The following NCALD variants were observed in gnomAD, a reference collection of about 807,000 sequenced individuals.
The protein encoded by NCALD is neurocalcin-delta.
NCALD carries 10 observed loss-of-function variants against 18.6 expected under a neutral mutation model. The observed-to-expected ratio is 0.54, with a 90% CI of 0.33 to 0.91. The LOEUF is 0.91. Among genes scored for constraint, NCALD ranks in the 40% least tolerant of loss-of-function variants. NCALD has a pLI of 0.03. For missense variants in NCALD, 184 were observed against 247.6 expected (o/e 0.74, Z 1.72); for synonymous variants, 88 against 87.4 (o/e 1.01, Z -0.04).
At chr8:101,766,915 C>T (rs890490115) in intron 1 of NCALD, among the ~76,000 whole-genome samples, 1 of 152,214 alleles carries the variant, frequency 6.6e-6, no homozygotes, top group African/African-American at 2.4e-5. Flanking sequence ...TGTATACATA[C>T]ACATAATATA....
intron 1 of NCALD, among the ~76,000 whole-genome samples, chr8:101,735,862 T>C (rs1809886290): frequency 6.6e-6 from 1 of 152,222 alleles, no homozygotes. Context: ...TGAGGCTCCT[T>C]CTTCTTCCTT....
chr8:101,939,684 T>C (rs1056045020), intron 2 of NCALD, among the ~76,000 whole-genome samples: 1 of 152,254 alleles, frequency 6.6e-6, no homozygotes, highest in Non-Finnish European at 1.5e-5. Flanking sequence ...TGAAACTTTA[T>C]AATAATTGAA....
intron 2 of NCALD, among the ~76,000 whole-genome samples, chr8:102,005,915 G>T (rs761519380): frequency 5.9e-5 from 9 of 151,592 alleles, no homozygotes; most frequent in Non-Finnish European, 7.4e-5. Flanking sequence ...AGCATTAGGA[G>T]ATATACCTAA....
At chr8:102,122,751 T>C (rs1038592769) in intron 1 of NCALD, among the ~76,000 whole-genome samples, 1 of 152,226 alleles carries the variant, frequency 6.6e-6, no homozygotes, top group African/African-American at 2.4e-5. Flanking sequence ...CCAGGAGCTA[T>C]TGACGAATGA....
chr8:101,897,719 T>A (rs1276335286), intron 3 of NCALD, among the ~76,000 whole-genome samples: 1 of 152,292 alleles, frequency 6.6e-6, no homozygotes, highest in African/African-American at 2.4e-5. Context: ...TAAATGTATG[T>A]TTAGTTTTAA....
At chr8:101,848,363 CAA>C (rs1444706591) in intron 4 of NCALD, among the ~76,000 whole-genome samples, 1 of 151,974 alleles carries the variant, frequency 6.6e-6, no homozygotes, top group African/African-American at 2.4e-5. Flanking sequence ...AATGAGGAAA[CAA>C]GAGAAAACTT....
chr8:102,001,476 C>A (rs960197340), intron 2 of NCALD, among the ~76,000 whole-genome samples: 45 of 152,318 alleles, frequency 3.0e-4, no homozygotes, highest in Non-Finnish European at 5.3e-4. Context: ...AGGAGAACTT[C>A]CCCAATCTGG....
intron 1 of NCALD, among the ~76,000 whole-genome samples, chr8:101,777,825 C>A (rs910900877): frequency 6.6e-6 from 1 of 152,108 alleles, no homozygotes; most frequent in South Asian, 2.1e-4. Flanking sequence ...AAGTTACCAT[C>A]AGCAGACAGA....
rs141920417 is a variant in NCALD at position 101,775,368 on chromosome 8, C to T, written c.-20+15494G>A. 1.5e-3 allele frequency among the ~76,000 whole-genome samples: 231 copies of T among 152,230 alleles called. 3 individuals are homozygous for T. The highest frequency in any genetic ancestry group is 5.2e-3 in the African/African-American group (218 of 41,540). On this transcript the variant is annotated intron_variant, in intron 1 of 3. Coordinates refer to ENST00000220931, the MANE Select transcript of NCALD (RefSeq NM_032041.3). ...GGTGCTTGGCAATCTGTCCACAGCTCGAGATACCTATAGAGATTAGGAGGT... is the reference window on the plus strand; with the variant it reads ...GGTGCTTGGCAATCTGTCCACAGCTTGAGATACCTATAGAGATTAGGAGGT...
At chr8:102,009,081 TC>T (rs1171046624) in intron 2 of NCALD, among the ~76,000 whole-genome samples, 1 of 152,220 alleles carries the variant, frequency 6.6e-6, no homozygotes, top group Non-Finnish European at 1.5e-5. Flanking sequence ...TCTCTCTGCC[TC>T]ACGGCATTGT....
chr8:102,011,969 G>A (rs1022381759), intron 2 of NCALD, among the ~76,000 whole-genome samples: 5 of 152,128 alleles, frequency 3.3e-5, no homozygotes, highest in African/African-American at 1.2e-4. Flanking sequence ...TCGTCAGAAA[G>A]GCAAATATCA....
chr8:101,985,356 C>T (rs1271107152), intron 2 of NCALD, among the ~76,000 whole-genome samples: 2 of 152,172 alleles, frequency 1.3e-5, no homozygotes, highest in Non-Finnish European at 2.9e-5. Flanking sequence ...CCTGGACCAG[C>T]TCAGATTAGA....
intron 1 of NCALD, among the ~76,000 whole-genome samples, chr8:102,045,646 T>A (rs1339330182): frequency 6.6e-6 from 1 of 152,156 alleles, no homozygotes; most frequent in Admixed American, 6.5e-5. Flanking sequence ...ACATTTTTTT[T>A]AACACAATCC....
chr8:101,801,096 GA>G lies in NCALD; in HGVS notation c.-19-81449del, dbSNP rs1177113659. ...AGGGAAAGAAAGAGGAAGGAAGGAG[GA>G]AAAAGAAAGAGAAAGAAACAAAGAA... On this transcript the variant is annotated intron_variant, in intron 4 of 6. Coordinates refer to the NCALD transcript ENST00000311028. Among the ~76,000 whole-genome samples, 866 of 147,582 alleles carry G rather than the reference GA, an allele frequency of 5.9e-3. 10 individuals carry two copies. The highest frequency in any genetic ancestry group is 0.019 in the African/African-American group (761 of 40,026).
intron 1 of NCALD, among the ~76,000 whole-genome samples, chr8:101,780,954 T>C (rs552703294): frequency 6.6e-6 from 1 of 152,280 alleles, no homozygotes; most frequent in Non-Finnish European, 1.5e-5. Flanking sequence ...AACAGTATAG[T>C]CCTTGGCTAT....
chr8:102,100,386 A>G (rs1825237113), intron 1 of NCALD, among the ~76,000 whole-genome samples: 1 of 152,228 alleles, frequency 6.6e-6, no homozygotes, highest in African/African-American at 2.4e-5. Flanking sequence ...ACTTTTAACA[A>G]TTTTAAAGAA....
At chr8:101,735,138 G>T (rs1304810623) in intron 1 of NCALD, among the ~76,000 whole-genome samples, 2 of 152,012 alleles carry the variant, frequency 1.3e-5, no homozygotes, top group Non-Finnish European at 2.9e-5. Flanking sequence ...TTGAAGGGAG[G>T]ATAGGAAGTA....
At chr8:101,872,716 G>T (rs960428359) in intron 4 of NCALD, among the ~76,000 whole-genome samples, 1 of 152,168 alleles carries the variant, frequency 6.6e-6, no homozygotes, top group Non-Finnish European at 1.5e-5. Flanking sequence ...AGTATGAAAA[G>T]ATGCTAGAGG....
chr8:101,820,371 T>C (rs1317330769), intron 4 of NCALD, among the ~76,000 whole-genome samples: 1 of 152,186 alleles, frequency 6.6e-6, no homozygotes, highest in Non-Finnish European at 1.5e-5. Context: ...TATTTTTATT[T>C]GTTAAATAAA....
Sources: allele counts gnomAD v4.1 joint callset (sites outside exome capture counted in the v4.1 genomes callset), GRCh38; gene constraint gnomAD v4.1.1; transcripts MANE v1.5; gene names NCBI Gene and HGNC (gene_info 2026-07-23, HGNC 2026-07-21).